The following KAZN variants were observed in gnomAD, a reference collection of about 807,000 sequenced individuals.
KAZN encodes kazrin, periplakin interacting protein.
In KAZN, 40 loss-of-function variants were observed where a neutral mutation model predicts 87.4. The observed-to-expected ratio is 0.46, with a 90% confidence interval of 0.36 to 0.60. The LOEUF (loss-of-function observed/expected upper bound fraction) is 0.60, where lower values mean the gene tolerates loss of function less well. KAZN is among the 20% of genes least tolerant of loss of function. The pLI is 0.00. For missense variants in KAZN, 898 were observed against 1,073.9 expected, an observed-to-expected ratio of 0.84 and a Z score of 2.29; for synonymous variants, 466 against 458.3, an observed-to-expected ratio of 1.02 and a Z score of -0.22.
intron 1 of KAZN, among the ~76,000 whole-genome samples, chr1:14,939,240 G>A (rs1660790691): frequency 6.6e-6 from 1 of 152,132 alleles, no homozygotes; most frequent in Non-Finnish European, 1.5e-5. Context: ...CCAAAGTGCT[G>A]GGATTACAGG....
At chr1:14,420,023 C>T (rs1484747012) in intron 2 of KAZN, among the ~76,000 whole-genome samples, 1 of 152,208 alleles carries the variant, frequency 6.6e-6, no homozygotes. Flanking sequence ...GACCCACCCA[C>T]ATCCTGCTGA....
At chr1:15,071,717 A>G (rs1002705301) in intron 8 of KAZN, among the ~76,000 whole-genome samples, 2 of 152,148 alleles carry the variant, frequency 1.3e-5, no homozygotes, top group African/African-American at 4.8e-5. Context: ...GCAAGGGGAA[A>G]TCTTGGCCTA....
chr1:14,967,206 C>G (rs542671062), intron 2 of KAZN, among the ~76,000 whole-genome samples: 1 of 152,254 alleles, frequency 6.6e-6, no homozygotes, highest in Admixed American at 6.5e-5. Context: ...CCTCCCTCTC[C>G]CTCCCTTTGC....
intron 1 of KAZN, among the ~76,000 whole-genome samples, chr1:13,985,169 C>T (rs981804349): frequency 1.6e-4 from 24 of 150,754 alleles, no homozygotes; most frequent in Non-Finnish European, 2.5e-4. Flanking sequence ...TTTTTTTTTT[C>T]AGCAGAATTT....
intron 1 of KAZN, among the ~76,000 whole-genome samples, chr1:13,936,199 C>A (rs988702601): frequency 1.3e-5 from 2 of 149,842 alleles, no homozygotes; most frequent in Admixed American, 6.7e-5. Context: ...CAGGTTCAAG[C>A]GATTCTCGTG....
At chr1:14,921,840 T>C (rs1382031677) in intron 1 of KAZN, among the ~76,000 whole-genome samples, 2 of 152,180 alleles carry the variant, frequency 1.3e-5, no homozygotes. Flanking sequence ...GCCTCCTGAG[T>C]AGCTGGGATT....
intron 2 of KAZN, among the ~76,000 whole-genome samples, chr1:14,203,699 C>T (rs1234489388): frequency 3.9e-5 from 6 of 152,194 alleles, no homozygotes. Flanking sequence ...TTAGGTACAA[C>T]TCAATGTGCG....
intron 2 of KAZN, among the ~76,000 whole-genome samples, chr1:14,560,847 G>A (rs1245362136): frequency 6.6e-6 from 1 of 152,110 alleles, no homozygotes; most frequent in Non-Finnish European, 1.5e-5. Context: ...TGTTATCTCA[G>A]GTATTGAATA....
At chr1:14,346,459 C>G (rs1658114688) in intron 2 of KAZN, among the ~76,000 whole-genome samples, 1 of 152,030 alleles carries the variant, frequency 6.6e-6, no homozygotes, top group Admixed American at 6.6e-5. Flanking sequence ...ATGTGACTGT[C>G]CCCTGGGAAA....
At chr1:14,300,885 T>G (rs533766829) in intron 2 of KAZN, among the ~76,000 whole-genome samples, 35 of 152,170 alleles carry the variant, frequency 2.3e-4, no homozygotes, top group African/African-American at 8.2e-4. Flanking sequence ...AACCAAGGGG[T>G]AGGTATAGGG....
intron 1 of KAZN, among the ~76,000 whole-genome samples, chr1:14,054,510 A>G (rs888734406): frequency 1.3e-5 from 2 of 152,220 alleles, no homozygotes; most frequent in African/African-American, 4.8e-5. Flanking sequence ...AAAACATTCT[A>G]TCTCAGTAAA....
chr1:14,325,295 A>C (rs982861199), intron 2 of KAZN, among the ~76,000 whole-genome samples: 1 of 152,188 alleles, frequency 6.6e-6, no homozygotes, highest in Non-Finnish European at 1.5e-5. Flanking sequence ...AGTTGCAGTC[A>C]TCTAAATTAT....
chr1:14,544,738 TAA>T (rs58351260), intron 2 of KAZN, among the ~76,000 whole-genome samples: 66 of 137,654 alleles, frequency 4.8e-4, no homozygotes, highest in Admixed American at 5.1e-4. Flanking sequence ...CTTCTTTATT[TAA>T]AAAAAAAAAA....
At chr1:14,805,062 A>G (rs764494620) in intron 1 of KAZN, among the ~76,000 whole-genome samples, 35 of 152,302 alleles carry the variant, frequency 2.3e-4, no homozygotes, top group Middle Eastern at 6.8e-3. Context: ...TGGGGAGAAA[A>G]CCGTACCTGT....
chr1:14,255,517 G>A (rs918199863), intron 2 of KAZN, among the ~76,000 whole-genome samples: 6 of 152,164 alleles, frequency 3.9e-5, no homozygotes, highest in South Asian at 2.1e-4. Flanking sequence ...CAGTTCTGTC[G>A]TCCAGTACTG....
At position 15,109,254 on chromosome 1, in the gene KAZN, G is replaced by A. The variant is rs540073797; in HGVS notation, c.2049-3173G>A. Among the ~76,000 whole-genome samples the A allele has an allele frequency of 4.6e-5, 7 of 152,080 alleles. 1 individual carries two copies. Among genetic ancestry groups the A allele is most frequent in the South Asian group, 4.1e-4 (2 of 4,830 alleles). ...ACGAAAATTAGCTGGGTGTGGTGGC[G>A]TGCACCTGTAGTCCCAACTGCTTGT... is the stretch of plus-strand genomic sequence containing the variant. On this transcript the variant is annotated intron_variant, in intron 13 of 14. Transcript: ENST00000376030.
chr1:14,179,518 C>T (rs1646152810), intron 1 of KAZN, among the ~76,000 whole-genome samples: 2 of 152,192 alleles, frequency 1.3e-5, no homozygotes, highest in Non-Finnish European at 1.5e-5. Flanking sequence ...TTCAAAGTCC[C>T]TCTATTGTAT....
intron 12 of KAZN, 88 bp from the exon 13 acceptor site, chr1:15,103,935 G>C: frequency 1.5e-6 from 2 of 1,343,110 alleles, no homozygotes; most frequent in East Asian, 2.5e-5. Context: ...CCTTGCTGTT[G>C]GGGACAGAGC....
At chr1:14,490,159 A>C (rs1363045553) in intron 2 of KAZN, among the ~76,000 whole-genome samples, 1 of 152,176 alleles carries the variant, frequency 6.6e-6, no homozygotes, top group Non-Finnish European at 1.5e-5. Flanking sequence ...TTTGATTACT[A>C]GTCAGGTTGG....
Sources: gnomAD v4.1 joint callset for allele counts (sites outside exome capture counted in the v4.1 genomes callset) on GRCh38, gnomAD v4.1.1 for gene constraint, MANE v1.5 for transcripts, NCBI Gene and HGNC (gene_info 2026-07-23, HGNC 2026-07-21) for gene names.